CLSTN2: variants seen among roughly 807,000 people sequenced by gnomAD.
The protein encoded by CLSTN2 is calsyntenin 2.
CLSTN2 carries 48 observed loss-of-function variants against 101.2 expected under a neutral mutation model. The observed-to-expected ratio is 0.47, with a 90% CI of 0.38 to 0.60. CLSTN2 has a LOEUF of 0.60. CLSTN2 is among the 20% of genes least tolerant of loss of function. The probability of loss-of-function intolerance (pLI) is 0.00; values close to 1 mark genes in which losing one functional copy is unlikely to be tolerated. For missense variants in CLSTN2, 1,160 were observed against 1,238.2 expected, an observed-to-expected ratio of 0.94 and a Z score of 0.95; for synonymous variants, 481 against 463.6, an observed-to-expected ratio of 1.04 and a Z score of -0.48.
At chr3:140,286,143 A>G (rs914123979) in intron 2 of CLSTN2, among the ~76,000 whole-genome samples, 9 of 152,136 alleles carry the variant, frequency 5.9e-5, no homozygotes, top group African/African-American at 2.2e-4. Context: ...GTGGTCCACA[A>G]CTGCCCCCGG....
At chr3:140,385,438 G>A (rs1040187910) in intron 2 of CLSTN2, among the ~76,000 whole-genome samples, 52 of 138,832 alleles carry the variant, frequency 3.7e-4, no homozygotes, top group African/African-American at 1.3e-3. Flanking sequence ...GTGCGATCTC[G>A]ACTCGCTGTA....
chr3:140,558,735 C>G lies in CLSTN2; in HGVS notation c.1919C>G (p.Thr640Arg). The change falls in exon 12 of 17, where the codon ACA becomes AGA. Residue 640 changes from threonine (T) to arginine (R), a missense_variant. Physicochemically the swap from Thr to Arg is moderately conservative, Grantham distance 71. Coordinates refer to ENST00000458420, the MANE Select transcript of CLSTN2 (RefSeq NM_022131.3). Reference protein sequence around the residue: ...AIEPRITLRGTDHFWRPAAQF... With the variant: ...AIEPRITLRGRDHFWRPAAQF... ...GAGCCCCGGATCACCCTCCGGGGCA[C>G]AGACCACTTCTGGAGACCTGCTGCC... 6.2e-7 allele frequency: 1 copy of G among 1,614,078 alleles called. No individual in the cohort carries two copies. Among genetic ancestry groups the G allele is most frequent in the Non-Finnish European group, 8.5e-7 (1 of 1,179,998 alleles).
chr3:140,161,146 C>G (rs1046226634), intron 1 of CLSTN2, among the ~76,000 whole-genome samples: 2 of 152,094 alleles, frequency 1.3e-5, no homozygotes, highest in Non-Finnish European at 2.9e-5. Context: ...CTGGCAAGTA[C>G]TTGTTCTATT....
At chr3:140,538,154 C>A (rs1276654324) in intron 9 of CLSTN2, among the ~76,000 whole-genome samples, 1 of 99,312 alleles carries the variant, frequency 1.0e-5, no homozygotes, top group Non-Finnish European at 1.8e-5. Flanking sequence ...GGTAGGCTAC[C>A]TGTGACTCCA....
chr3:140,376,753 C>T (rs765380423), intron 2 of CLSTN2, among the ~76,000 whole-genome samples: 7 of 152,138 alleles, frequency 4.6e-5, no homozygotes, highest in Non-Finnish European at 8.8e-5. Context: ...TTGAAATAAA[C>T]TACCATGTTA....
chr3:140,472,920 G>C (rs967596159), intron 8 of CLSTN2, among the ~76,000 whole-genome samples: 1 of 152,070 alleles, frequency 6.6e-6, no homozygotes, highest in Admixed American at 6.6e-5. Context: ...TCATATTCTA[G>C]TCCCTCTCCC....
chr3:140,347,015 T>G (rs947693608), intron 2 of CLSTN2, among the ~76,000 whole-genome samples: 1 of 152,246 alleles, frequency 6.6e-6, no homozygotes, highest in Non-Finnish European at 1.5e-5. Flanking sequence ...ACTTTTATTT[T>G]TCACAACTTT....
chr3:140,454,009 T>C (rs149534763), intron 6 of CLSTN2, among the ~76,000 whole-genome samples: 3 of 152,358 alleles, frequency 2.0e-5, no homozygotes, highest in Non-Finnish European at 4.4e-5. Context: ...ACAGTGTCAG[T>C]CTACTAGTCA....
intron 5 of CLSTN2, among the ~76,000 whole-genome samples, chr3:140,447,063 G>C (rs560916842): frequency 3.8e-4 from 58 of 152,352 alleles, no homozygotes; most frequent in African/African-American, 1.3e-3. Flanking sequence ...CACCATGGTG[G>C]CTCCAGTGGC....
chr3:140,470,984 G>T (rs752662421), intron 8 of CLSTN2, among the ~76,000 whole-genome samples: 1 of 152,126 alleles, frequency 6.6e-6, no homozygotes, highest in African/African-American at 2.4e-5. Flanking sequence ...CCTCTGCCCC[G>T]CACCGCAGCA....
At chr3:140,327,050 A>C (rs1168255578) in intron 2 of CLSTN2, among the ~76,000 whole-genome samples, 1 of 152,250 alleles carries the variant, frequency 6.6e-6, no homozygotes, top group Non-Finnish European at 1.5e-5. Context: ...TTGTGTATGT[A>C]GCTCTTGGCA....
In CLSTN2 at chr3:140,391,153, C is replaced by G. The variant is rs149894503; in HGVS notation, c.233-12476C>G. 1.4e-3 allele frequency among the ~76,000 whole-genome samples: 207 copies of G among 152,272 alleles called. 1 individual carries two copies. Among genetic ancestry groups the G allele is most frequent in the Middle Eastern group, 0.01 (3 of 294 alleles). On this transcript the variant is annotated intron_variant, in intron 2 of 16. Transcript: ENST00000458420. ...GCTATCTTCTCTCCAGGATTCTACT[C>G]TCACACTCAGGCAATCCTGTTTACC... is the stretch of plus-strand genomic sequence containing the variant.
At chr3:140,363,280 A>G (rs2107951421) in intron 2 of CLSTN2, among the ~76,000 whole-genome samples, 1 of 152,334 alleles carries the variant, frequency 6.6e-6, no homozygotes, top group South Asian at 2.1e-4. Context: ...GAAAGGGCAA[A>G]CCTATAGAGA....
chr3:140,330,938 A>G (rs1039509730), intron 2 of CLSTN2, among the ~76,000 whole-genome samples: 2 of 152,210 alleles, frequency 1.3e-5, no homozygotes, highest in African/African-American at 2.4e-5. Context: ...GACAGAATCA[A>G]TAGGCTATAT....
At chr3:140,117,291 T>G (rs2009261221) in intron 1 of CLSTN2, among the ~76,000 whole-genome samples, 1 of 152,194 alleles carries the variant, frequency 6.6e-6, no homozygotes, top group Admixed American at 6.5e-5. Context: ...GTGTCCTCAG[T>G]GCATGTAACC....
chr3:140,400,319 C>T (rs577561998), intron 2 of CLSTN2, among the ~76,000 whole-genome samples: 13 of 152,314 alleles, frequency 8.5e-5, no homozygotes, highest in East Asian at 1.9e-4. Flanking sequence ...GGTGGACATG[C>T]GTATTGCAGC....
At chr3:140,224,590 A>C (rs2107855173) in intron 2 of CLSTN2, among the ~76,000 whole-genome samples, 1 of 152,292 alleles carries the variant, frequency 6.6e-6, no homozygotes, top group Admixed American at 6.5e-5. Context: ...GTCTGGTTGA[A>C]GCATCACAAA....
At chr3:140,279,257 G>A (rs1394506980) in intron 2 of CLSTN2, among the ~76,000 whole-genome samples, 2 of 152,160 alleles carry the variant, frequency 1.3e-5, no homozygotes, top group Admixed American at 1.3e-4. Context: ...AGGGCTGCAG[G>A]CAGAGCTCCC....
rs1935791525 is a variant in CLSTN2 at position 140,556,406 on chromosome 3, A to C, written c.1675-107A>C. 7 of 954,982 alleles carry C rather than the reference A, an allele frequency of 7.3e-6. No homozygotes were observed. In the South Asian group the frequency reaches 1.0e-4, roughly 14 times the overall value. 59.2% of individuals were successfully genotyped at this position (954,982 alleles called of 1,614,324 possible). ...ACTGTGTCACTGGCAGATGCTCTAG[A>C]GGTGTTTATGGTGACCCTTGGTGCC... On this transcript the variant is annotated intron_variant, in intron 10 of 16. Transcript: ENST00000458420.
Sources: gnomAD v4.1 joint callset for allele counts (sites outside exome capture counted in the v4.1 genomes callset) on GRCh38, gnomAD v4.1.1 for gene constraint, MANE v1.5 for transcripts, NCBI Gene and HGNC (gene_info 2026-07-23, HGNC 2026-07-21) for gene names.